KCNAB1: variants seen among roughly 807,000 people sequenced by gnomAD.
KCNAB1 encodes the protein voltage-gated potassium channel subunit beta-1.
A neutral mutation model predicts 64.6 loss-of-function variants in KCNAB1; 35 were observed. That is an observed-to-expected ratio of 0.54 (90% confidence interval 0.41 to 0.72). The LOEUF is 0.72. KCNAB1 is among the 30% of genes least tolerant of loss of function. The pLI, the probability that KCNAB1 is intolerant of heterozygous loss-of-function variation, is 0.00. For missense variants in KCNAB1, 401 were observed against 512.9 expected, an observed-to-expected ratio of 0.78 and a Z score of 2.11; for synonymous variants, 177 against 183.8, an observed-to-expected ratio of 0.96 and a Z score of 0.30.
At chr3:156,406,968 T>A (rs1000658866) in intron 1 of KCNAB1, among the ~76,000 whole-genome samples, 1 of 152,214 alleles carries the variant, frequency 6.6e-6, no homozygotes, top group Non-Finnish European at 1.5e-5. Context: ...TTACCTAACC[T>A]AATCCACAGA....
chr3:156,246,566 G>A (rs1440874047), intron 1 of KCNAB1, among the ~76,000 whole-genome samples: 3 of 143,636 alleles, frequency 2.1e-5, no homozygotes, highest in Admixed American at 7.3e-5. Flanking sequence ...TCATGCTACT[G>A]CACTCCAGCC....
chr3:156,535,536 G>A (rs879588931), intron 13 of KCNAB1, among the ~76,000 whole-genome samples: 3 of 152,126 alleles, frequency 2.0e-5, no homozygotes, highest in Non-Finnish European at 4.4e-5. Flanking sequence ...AAGCTCCACA[G>A]CTGCACTTGC....
At chr3:156,130,961 A>G (rs535702893) in intron 1 of KCNAB1, among the ~76,000 whole-genome samples, 1 of 152,386 alleles carries the variant, frequency 6.6e-6, no homozygotes, top group African/African-American at 2.4e-5. Context: ...GAGCTGTGTA[A>G]GTGCAGAGGC....
chr3:156,196,837 T>C (rs1348567278), intron 1 of KCNAB1, among the ~76,000 whole-genome samples: 1 of 152,200 alleles, frequency 6.6e-6, no homozygotes, highest in Non-Finnish European at 1.5e-5. Context: ...TCCAACACTA[T>C]GTTGAATAGG....
chr3:156,325,321 T>C (rs1295259194), intron 1 of KCNAB1, among the ~76,000 whole-genome samples: 1 of 152,148 alleles, frequency 6.6e-6, no homozygotes, highest in East Asian at 1.9e-4. Flanking sequence ...AAGTTATGGG[T>C]CCCACTGTAG....
chr3:156,337,158 A>G (rs1177077515), intron 1 of KCNAB1, among the ~76,000 whole-genome samples: 3 of 152,126 alleles, frequency 2.0e-5, no homozygotes, highest in Non-Finnish European at 4.4e-5. Context: ...AAGACCAATA[A>G]CTCCTCCTCT....
At chr3:156,498,214 A>G (rs1716135578) in intron 8 of KCNAB1, among the ~76,000 whole-genome samples, 1 of 152,210 alleles carries the variant, frequency 6.6e-6, no homozygotes, top group South Asian at 2.1e-4. Context: ...TGGACAAGAC[A>G]ATGTTGAAGA....
At chr3:156,306,980 C>A (rs918738903) in intron 1 of KCNAB1, among the ~76,000 whole-genome samples, 2 of 152,098 alleles carry the variant, frequency 1.3e-5, no homozygotes, top group East Asian at 1.9e-4. Context: ...TGGAGGGAGG[C>A]GGTGAGGGAG....
intron 1 of KCNAB1, among the ~76,000 whole-genome samples, chr3:156,363,398 T>G (rs1003243083): frequency 3.3e-5 from 5 of 152,198 alleles, no homozygotes; most frequent in Admixed American, 6.5e-5. Context: ...CATTCACAAA[T>G]AATCCAATTA....
At chr3:156,444,320 A>G (rs1201720881) in intron 2 of KCNAB1, among the ~76,000 whole-genome samples, 1 of 152,206 alleles carries the variant, frequency 6.6e-6, no homozygotes, top group African/African-American at 2.4e-5. Flanking sequence ...GCTGCAGCTC[A>G]TATCTGCAGA....
intron 1 of KCNAB1, among the ~76,000 whole-genome samples, chr3:156,272,341 G>GT (rs972439553): frequency 6.6e-6 from 1 of 152,230 alleles, no homozygotes; most frequent in African/African-American, 2.4e-5. Flanking sequence ...TACTGTCTAG[G>GT]AGTCAGGGCC....
chr3:156,370,036 C>T lies in KCNAB1; in HGVS notation c.276-51580C>T, dbSNP rs116940892. On this transcript the variant is annotated intron_variant, in intron 1 of 13. Transcript: ENST00000490337. Reference sequence around the variant, plus strand: ...ACAATAAAATGTTCATAAAAAGGGACAATATAATGCTTTCACTTTCCACCC... The same window carrying T: ...ACAATAAAATGTTCATAAAAAGGGATAATATAATGCTTTCACTTTCCACCC... 5.9e-5 allele frequency among the ~76,000 whole-genome samples: 9 copies of T among 152,270 alleles called. No individual in the cohort carries two copies. The East Asian group carries it at 1.7e-3, about 29-fold the overall frequency.
At chr3:156,380,592 A>G (rs1298718188) in intron 1 of KCNAB1, among the ~76,000 whole-genome samples, 1 of 152,222 alleles carries the variant, frequency 6.6e-6, no homozygotes, top group African/African-American at 2.4e-5. Flanking sequence ...AAATATTTGC[A>G]GCAGGAGTGT....
At chr3:156,341,681 G>C (rs987123162) in intron 1 of KCNAB1, among the ~76,000 whole-genome samples, 1 of 151,926 alleles carries the variant, frequency 6.6e-6, no homozygotes, top group African/African-American at 2.4e-5. Context: ...TAATCCAGTG[G>C]TTCTCAAATA....
intron 1 of KCNAB1, among the ~76,000 whole-genome samples, chr3:156,326,596 ACTC>A (rs1722980228): frequency 6.6e-6 from 1 of 151,344 alleles, no homozygotes; most frequent in South Asian, 2.1e-4. Flanking sequence ...TCTTATCACT[ACTC>A]TCCCTATTCA....
At chr3:156,317,519 C>G (rs75356944) in intron 1 of KCNAB1, among the ~76,000 whole-genome samples, 1 of 150,256 alleles carries the variant, frequency 6.7e-6, no homozygotes, top group East Asian at 2.0e-4. Context: ...TCCATTAATA[C>G]GTGTGGTAAT....
chr3:156,368,390 CTT>C (rs1726086126), intron 1 of KCNAB1, among the ~76,000 whole-genome samples: 1 of 152,146 alleles, frequency 6.6e-6, no homozygotes, highest in Admixed American at 6.6e-5. Flanking sequence ...CAGTTTCACT[CTT>C]TGTCACTGTT....
At chr3:156,163,175 A>G (rs1007805897) in intron 1 of KCNAB1, among the ~76,000 whole-genome samples, 8 of 152,234 alleles carry the variant, frequency 5.3e-5, no homozygotes, top group Admixed American at 3.3e-4. Context: ...CATTACCCAT[A>G]TCTCAAGTGC....
chr3:156,366,950 GA>G (rs1455540456), intron 1 of KCNAB1, among the ~76,000 whole-genome samples: 1 of 152,122 alleles, frequency 6.6e-6, no homozygotes, highest in Non-Finnish European at 1.5e-5. Flanking sequence ...TTAACAGAAG[GA>G]AAAGACCTGG....
Sources: gnomAD v4.1 joint callset for allele counts (sites outside exome capture counted in the v4.1 genomes callset) on GRCh38, gnomAD v4.1.1 for gene constraint, MANE v1.5 for transcripts, NCBI Gene and HGNC (gene_info 2026-07-23, HGNC 2026-07-21) for gene names.